The following SH3RF3 variants were observed in gnomAD, a reference collection of about 807,000 sequenced individuals.
SH3RF3 encodes SH3 domain containing ring finger 3.
Under a neutral mutation model 66.3 loss-of-function variants are expected in SH3RF3, and 29 were observed. The ratio of observed to expected loss-of-function variants is 0.44; its 90% CI spans 0.33 to 0.60. The LOEUF (loss-of-function observed/expected upper bound fraction) is 0.60, where lower values mean the gene tolerates loss of function less well. Ranked by LOEUF, SH3RF3 falls within the 20% of genes least tolerant of loss-of-function variation. SH3RF3 has a pLI of 0.04. For synonymous variants in SH3RF3, 583 were observed against 532.0 expected, an observed-to-expected ratio of 1.10 and a Z score of -1.32; for missense variants, 1,194 against 1,190.9, an observed-to-expected ratio of 1.00 and a Z score of -0.04.
chr2:109,281,372 T>G (rs912444417), intron 1 of SH3RF3, among the ~76,000 whole-genome samples: 1 of 152,026 alleles, frequency 6.6e-6, no homozygotes, highest in Non-Finnish European at 1.5e-5. Flanking sequence ...ACTTGGAAAG[T>G]GAGGAGAGGG....
rs141290214 is a variant in SH3RF3, at chr2:109,290,993, T to C, written c.574-56681T>C. On this transcript the variant is annotated intron_variant, in intron 1 of 9. Coordinates refer to ENST00000309415, the MANE Select transcript of SH3RF3 (RefSeq NM_001099289.3). ...GGGTACATAGTAGGTGCACATTAAA[T>C]GATGAGCTGACTGCCTGGAGCAGCA... 3.5e-3 allele frequency among the ~76,000 whole-genome samples: 536 copies of C among 152,388 alleles called. 1 individual carries two copies. Among genetic ancestry groups the C allele is most frequent in the Non-Finnish European group, 6.2e-3 (423 of 68,044 alleles).
chr2:109,445,316 C>CAAG (rs1677674928), intron 7 of SH3RF3, among the ~76,000 whole-genome samples: 2 of 152,284 alleles, frequency 1.3e-5, no homozygotes, highest in South Asian at 4.1e-4. Context: ...GGCTCAAGTC[C>CAAG]TCACACAGAA....
intron 4 of SH3RF3, among the ~76,000 whole-genome samples, chr2:109,411,441 G>T (rs548798126): frequency 7.2e-5 from 11 of 152,308 alleles, no homozygotes; most frequent in Admixed American, 5.2e-4. Context: ...GCCCCCAGTA[G>T]CGTGCTGCTG....
intron 1 of SH3RF3, among the ~76,000 whole-genome samples, chr2:109,182,471 A>G (rs1466298519): frequency 2.6e-5 from 4 of 152,202 alleles, no homozygotes; most frequent in Admixed American, 1.3e-4. Flanking sequence ...CACTCAAACT[A>G]TAGTGTCCCA....
intron 3 of SH3RF3, among the ~76,000 whole-genome samples, chr2:109,384,821 G>A (rs1258445746): frequency 6.6e-6 from 1 of 152,308 alleles, no homozygotes; most frequent in South Asian, 2.1e-4. Flanking sequence ...TGGGCAGAAG[G>A]CCTCAGGGTA....
chr2:109,234,545 A>G (rs1466306184), intron 1 of SH3RF3, among the ~76,000 whole-genome samples: 2 of 152,264 alleles, frequency 1.3e-5, no homozygotes, highest in Non-Finnish European at 2.9e-5. Flanking sequence ...TGGTCAGGAT[A>G]GGCTCTGTTG....
intron 1 of SH3RF3, among the ~76,000 whole-genome samples, chr2:109,248,396 G>A (rs919724652): frequency 3.3e-5 from 5 of 151,984 alleles, no homozygotes; most frequent in South Asian, 2.1e-4. Flanking sequence ...ATGTGTTATC[G>A]CTCTCATTTT....
At chr2:109,254,949 A>G (rs1680184045) in intron 1 of SH3RF3, among the ~76,000 whole-genome samples, 1 of 152,148 alleles carries the variant, frequency 6.6e-6, no homozygotes, top group East Asian at 1.9e-4. Flanking sequence ...CTCTGGAAGG[A>G]TATTGAACAC....
intron 1 of SH3RF3, among the ~76,000 whole-genome samples, chr2:109,179,335 A>T (rs1678012533): frequency 6.6e-6 from 1 of 152,198 alleles, no homozygotes; most frequent in Non-Finnish European, 1.5e-5. Context: ...GCTGACAGTG[A>T]GTCCAGACTC....
chr2:109,283,559 G>A (rs2105348183), intron 1 of SH3RF3, among the ~76,000 whole-genome samples: 1 of 152,284 alleles, frequency 6.6e-6, no homozygotes, highest in South Asian at 2.1e-4. Flanking sequence ...TAAGATCCTG[G>A]TGAGCAGGAT....
intron 1 of SH3RF3, among the ~76,000 whole-genome samples, chr2:109,170,243 T>TC (rs1451758330): frequency 0.06 from 675 of 11,344 alleles, 12 homozygotes; most frequent in Admixed American, 0.087. Flanking sequence ...TCTTCTTTTC[T>TC]TTTCTCTTCT....
At position 109,357,525 on chromosome 2, in the gene SH3RF3, G is replaced by A. The variant is rs13417545; in HGVS notation, c.849+9576G>A. ...TAGTGATGAAATGATGGATACTGGG[G>A]CTCCTGTGCCTCTGACAGTTACCAG... On this transcript the variant is annotated intron_variant, in intron 2 of 9. Transcript: ENST00000309415. Among the ~76,000 whole-genome samples the A allele has an allele frequency of 4.1e-3, 624 of 152,290 alleles. 3 individuals carry two copies. The highest frequency in any genetic ancestry group is 0.014 in the African/African-American group (583 of 41,556).
At chr2:109,491,943 C>T (rs904503280) in intron 9 of SH3RF3, among the ~76,000 whole-genome samples, 4 of 152,156 alleles carry the variant, frequency 2.6e-5, no homozygotes, top group South Asian at 2.1e-4. Context: ...GGGAATGAGA[C>T]GGGGTCTATC....
chr2:109,316,159 G>C (rs979601286), intron 1 of SH3RF3, among the ~76,000 whole-genome samples: 21 of 152,324 alleles, frequency 1.4e-4, no homozygotes, highest in Admixed American at 1.2e-3. Context: ...GAGGTGTTCA[G>C]AGCTGGTTTT....
At chr2:109,282,186 T>G in intron 1 of SH3RF3, among the ~76,000 whole-genome samples, 1 of 152,146 alleles carries the variant, frequency 6.6e-6, no homozygotes, top group East Asian at 1.9e-4. Context: ...TCTTTTTATC[T>G]TGTTGCCATG....
At chr2:109,257,768 C>T (rs1249560320) in intron 1 of SH3RF3, among the ~76,000 whole-genome samples, 1 of 152,144 alleles carries the variant, frequency 6.6e-6, no homozygotes, top group Non-Finnish European at 1.5e-5. Flanking sequence ...AGTGCAGAAA[C>T]AAGGGCTGAA....
chr2:109,148,204 T>A (rs1342755046), intron 1 of SH3RF3, among the ~76,000 whole-genome samples: 2 of 152,232 alleles, frequency 1.3e-5, no homozygotes, highest in African/African-American at 2.4e-5. Context: ...CTGCCTGCTC[T>A]AGGACTCAGG....
intron 1 of SH3RF3, among the ~76,000 whole-genome samples, chr2:109,162,494 A>C (rs1016983704): frequency 6.6e-6 from 1 of 152,168 alleles, no homozygotes; most frequent in Non-Finnish European, 1.5e-5. Flanking sequence ...TACATGTGCC[A>C]TGTTGGTGTG....
chr2:109,259,198 G>A (rs1482417885), intron 1 of SH3RF3, among the ~76,000 whole-genome samples: 3 of 152,240 alleles, frequency 2.0e-5, no homozygotes. Context: ...ATAAAGTGTA[G>A]GCTTCTCTGG....
Sources: allele counts gnomAD v4.1 joint callset (sites outside exome capture counted in the v4.1 genomes callset), GRCh38; gene constraint gnomAD v4.1.1; transcripts MANE v1.5; gene names NCBI Gene and HGNC (gene_info 2026-07-23, HGNC 2026-07-21).